The following CNOT9 variants were observed in gnomAD, a reference collection of about 807,000 sequenced individuals.
CNOT9 encodes RCD1 required for cell differentiation1 homolog.
A neutral mutation model predicts 37.4 loss-of-function variants in CNOT9; 8 were observed. The observed-to-expected ratio is 0.21, with a 90% CI of 0.13 to 0.39. CNOT9 has a LOEUF of 0.39. CNOT9 is among the 10% of genes least tolerant of loss of function. The pLI is 1.00. For missense variants in CNOT9, 154 were observed against 365.3 expected, an observed-to-expected ratio of 0.42 and a Z score of 4.71; for synonymous variants, 120 against 137.6, an observed-to-expected ratio of 0.87 and a Z score of 0.90.
intron 1 of CNOT9, among the ~76,000 whole-genome samples, chr2:218,578,357 G>C (rs1694242306): frequency 1.3e-5 from 2 of 152,308 alleles, no homozygotes; most frequent in South Asian, 2.1e-4. Flanking sequence ...ATTTTTAAAA[G>C]GCCATTATTC....
chr2:218,568,935 G>C lies in CNOT9; in HGVS notation c.-20G>C. On this transcript the variant is annotated 5_prime_UTR_variant, in exon 1 of 8. Transcript: ENST00000273064. ...GTCGGACGCGTCCGGCTGTGGAAGA[G>C]AGCGGCGGCCGCTCACAACATGCAC... The C allele has an allele frequency of 6.2e-6, 10 of 1,607,524 alleles. No individual in the cohort carries two copies. Among genetic ancestry groups the C allele is most frequent in the Non-Finnish European group, 8.5e-6 (10 of 1,177,244 alleles).
chr2:218,572,635 G>A, intron 1 of CNOT9: 1 of 981,924 alleles, frequency 1.0e-6, no homozygotes, highest in Non-Finnish European at 1.2e-6. Flanking sequence ...TGTCTCAAAG[G>A]AAAAAGAAAA....
rs539751873 is a variant in CNOT9, at chr2:218,588,287, C to CTTTTT, written c.540+603_540+607dup. On this transcript the variant is annotated intron_variant, in intron 5 of 7. Transcript: ENST00000273064. ...TAAAGTTCATTTGATAATCATATAT[C>CTTTTT]TTTTTTTTTTTTTTTCTCTGAGATG... 8.0e-4 allele frequency among the ~76,000 whole-genome samples: 113 copies of CTTTTT among 141,554 alleles called. 1 individual carries two copies. Among genetic ancestry groups the CTTTTT allele is most frequent in the Non-Finnish European group, 1.4e-3 (89 of 64,750 alleles). The allele number at this position is 141,554 out of a possible 152,430, so 92.9% of individuals were successfully genotyped here.
intron 1 of CNOT9, among the ~76,000 whole-genome samples, chr2:218,578,187 C>T (rs550971883): frequency 6.6e-6 from 1 of 152,214 alleles, no homozygotes; most frequent in Middle Eastern, 3.4e-3. Context: ...GAGGACCATC[C>T]CTGAAGGGAG....
rs576408958 is a variant in CNOT9 at position 218,597,044 on chromosome 2, A to T, written c.*2768A>T. ...GCTTAAAGGCTAGGAAAAGGGGGAT[A>T]TACAAAGTTGTTGCTTTCAAAAACT... On this transcript the variant is annotated 3_prime_UTR_variant, in exon 8 of 8. Transcript: ENST00000273064. 3.3e-5 allele frequency: 5 copies of T among 152,142 alleles called. No individual in the cohort carries two copies. The highest frequency in any genetic ancestry group is 7.4e-5 in the Non-Finnish European group (5 of 68,018). 9.4% of individuals were successfully genotyped at this position (152,142 alleles called of 1,614,324 possible).
intron 1 of CNOT9, chr2:218,572,854 A>T: frequency 8.2e-6 from 2 of 245,148 alleles, no homozygotes; most frequent in Non-Finnish European, 1.3e-5. Flanking sequence ...ACATCTTTTT[A>T]TTGAAGCTGT....
chr2:218,594,479 C>T lies in CNOT9; in HGVS notation c.*203C>T. The T allele has an allele frequency of 1.7e-6, 1 of 585,758 alleles. No individual in the cohort carries two copies. The highest frequency in any genetic ancestry group is 3.3e-5 in the Admixed American group (1 of 30,700). 36.3% of individuals were successfully genotyped at this position (585,758 alleles called of 1,614,324 possible). On this transcript the variant is annotated 3_prime_UTR_variant, in exon 8 of 8. Transcript: ENST00000273064. Reference sequence around the variant, plus strand: ...TTGAGGACCTGGGCTCCCTCTGCTACTCCCAGGAAATGGGCTCCTGACACA... The same window carrying T: ...TTGAGGACCTGGGCTCCCTCTGCTATTCCCAGGAAATGGGCTCCTGACACA...
At chr2:218,584,453 A>G (rs537873472) in intron 3 of CNOT9, among the ~76,000 whole-genome samples, 159 bp from the exon 4 acceptor site, 3 of 152,306 alleles carry the variant, frequency 2.0e-5, no homozygotes, top group African/African-American at 7.2e-5. Context: ...CCATTTGAGA[A>G]CCATTGGTTG....
intron 1 of CNOT9, among the ~76,000 whole-genome samples, chr2:218,578,126 C>T (rs944602339): frequency 6.6e-6 from 1 of 152,230 alleles, no homozygotes; most frequent in Admixed American, 6.5e-5. Flanking sequence ...AAAAAAGCTA[C>T]CATATTCCTT....
intron 3 of CNOT9, among the ~76,000 whole-genome samples, chr2:218,583,536 A>G (rs971760235): frequency 3.3e-5 from 5 of 152,308 alleles, no homozygotes; most frequent in African/African-American, 9.6e-5. Context: ...GGCGGCCTCT[A>G]TAATAGACGA....
At chr2:218,578,464 G>A (rs145656055) in intron 1 of CNOT9, among the ~76,000 whole-genome samples, 252 of 152,254 alleles carry the variant, frequency 1.7e-3, no homozygotes, top group African/African-American at 5.9e-3. Flanking sequence ...CTTTACATCT[G>A]TACAATGGGT....
At position 218,568,923 on chromosome 2, in the gene CNOT9, G is replaced by T. The variant is rs773360629; in HGVS notation, c.-32G>T. 1 of 1,604,884 alleles carries T rather than the reference G, an allele frequency of 6.2e-7. No homozygotes were observed. The highest frequency in any genetic ancestry group is 8.5e-7 in the Non-Finnish European group (1 of 1,175,478). ...GGGGGGACGCGGGTCGGACGCGTCC[G>T]GCTGTGGAAGAGAGCGGCGGCCGCT... On this transcript the variant is annotated 5_prime_UTR_variant, in exon 1 of 8. Transcript: ENST00000273064.
intron 5 of CNOT9, among the ~76,000 whole-genome samples, chr2:218,590,931 T>G (rs1273612284): frequency 6.6e-6 from 1 of 152,114 alleles, no homozygotes; most frequent in Non-Finnish European, 1.5e-5. Context: ...CCTCAAGCAG[T>G]CCTCCCACCT....
intron 1 of CNOT9, chr2:218,574,032 T>A: frequency 2.3e-6 from 1 of 433,868 alleles, no homozygotes; most frequent in South Asian, 1.6e-5. Flanking sequence ...TGCAGTGGTG[T>A]GATCTTGGCT....
chr2:218,573,104 G>T (rs1042291943), intron 1 of CNOT9, among the ~76,000 whole-genome samples: 4 of 152,166 alleles, frequency 2.6e-5, no homozygotes, highest in Non-Finnish European at 5.9e-5. Flanking sequence ...TGGATCATAA[G>T]GTCAGGAGTT....
Position 218,589,606 on chromosome 2 carries a change from T to C in CNOT9, c.540+1911T>C, listed in dbSNP as rs563421315. Among the ~76,000 whole-genome samples the C allele has an allele frequency of 2.6e-5, 4 of 152,244 alleles. No homozygotes were observed. In the South Asian group the frequency reaches 8.3e-4, roughly 32 times the overall value. On this transcript the variant is annotated intron_variant, in intron 5 of 7. Transcript: ENST00000273064. ...CTGCCTTCTGCCGTAGTACTAGGAG[T>C]ACAAGCATGAGCCACTGTGCCTGAC...
chr2:218,580,548 T>C lies in CNOT9; in HGVS notation c.25-13T>C. ...TAATAAACTGATATTTACTTTCTTG[T>C]CTTCATCTGAAGCCTGTGCCTACTA... On this transcript the variant is annotated splice_polypyrimidine_tract_variant and intron_variant, in intron 1 of 7. Coordinates refer to ENST00000273064, the MANE Select transcript of CNOT9 (RefSeq NM_005444.3). 1.9e-6 allele frequency: 3 copies of C among 1,591,514 alleles called. No individual in the cohort carries two copies. The highest frequency in any genetic ancestry group is 2.6e-6 in the Non-Finnish European group (3 of 1,168,752).
rs946679831 is a variant in CNOT9 at position 218,568,898 on chromosome 2, G to A, written c.-57G>A. 3 of 1,583,724 alleles carry A rather than the reference G, an allele frequency of 1.9e-6. No homozygotes were observed. Among genetic ancestry groups the A allele is most frequent in the African/African-American group, 1.3e-5 (1 of 74,306 alleles). ...TGTTTTCCGCTGCAGGGGTGCTGAA[G>A]GGGGGACGCGGGTCGGACGCGTCCG... is the stretch of plus-strand genomic sequence containing the variant. On this transcript the variant is annotated 5_prime_UTR_variant, in exon 1 of 8. Transcript: ENST00000273064.
chr2:218,589,284 G>C (rs959442951), intron 5 of CNOT9: 1 of 151,994 alleles, frequency 6.6e-6, no homozygotes, highest in Non-Finnish European at 1.5e-5. Flanking sequence ...TCTCTGTGTT[G>C]TTCCAATTTT....
Sources: gnomAD v4.1 joint callset for allele counts (sites outside exome capture counted in the v4.1 genomes callset) on GRCh38, gnomAD v4.1.1 for gene constraint, MANE v1.5 for transcripts, NCBI Gene and HGNC (gene_info 2026-07-23, HGNC 2026-07-21) for gene names.